ATRNL1: variants seen among roughly 807,000 people sequenced by gnomAD.
ATRNL1 encodes the protein attractin like 1, also known as attractin-like protein 1.
Under a neutral mutation model 182.7 loss-of-function variants are expected in ATRNL1, and 95 were observed. The ratio of observed to expected loss-of-function variants is 0.52; its 90% confidence interval spans 0.44 to 0.62. ATRNL1 has a LOEUF of 0.62. Ranked by LOEUF, ATRNL1 falls within the 20% of genes least tolerant of loss-of-function variation. ATRNL1 has a pLI of 0.00. For synonymous variants in ATRNL1, 576 were observed against 568.3 expected, an observed-to-expected ratio of 1.01 and a Z score of -0.19; for missense variants, 1,471 against 1,679.5, an observed-to-expected ratio of 0.88 and a Z score of 2.17.
At chr10:115,762,744 T>C (rs183811968) in intron 27 of ATRNL1, among the ~76,000 whole-genome samples, 1 of 152,254 alleles carries the variant, frequency 6.6e-6, no homozygotes, top group East Asian at 1.9e-4. Context: ...TGACAGATTC[T>C]AATGACATAA....
intron 26 of ATRNL1, among the ~76,000 whole-genome samples, chr10:115,620,202 GT>G (rs139420686): frequency 2.0e-4 from 31 of 152,276 alleles, no homozygotes; most frequent in Middle Eastern, 3.4e-3. Context: ...AAGCATGCCT[GT>G]CACATAGGTA....
chr10:115,340,569 C>T (rs782704775), intron 19 of ATRNL1, among the ~76,000 whole-genome samples: 2 of 144,730 alleles, frequency 1.4e-5, no homozygotes, highest in Admixed American at 7.1e-5. Context: ...ATTTCCTTCT[C>T]CTCTATTTTT....
At chr10:115,284,544 C>G (rs1852516655) in intron 14 of ATRNL1, among the ~76,000 whole-genome samples, 1 of 152,160 alleles carries the variant, frequency 6.6e-6, no homozygotes, top group African/African-American at 2.4e-5. Context: ...GTTCCAACTG[C>G]TGTGAGATTT....
chr10:115,408,814 T>G (rs2134330618), intron 20 of ATRNL1, among the ~76,000 whole-genome samples: 2 of 152,310 alleles, frequency 1.3e-5, no homozygotes, highest in Middle Eastern at 6.8e-3. Flanking sequence ...CCAGAACCGT[T>G]TATTGAAGAG....
intron 27 of ATRNL1, among the ~76,000 whole-genome samples, chr10:115,805,539 C>T (rs1374262750): frequency 2.6e-5 from 4 of 152,122 alleles, no homozygotes; most frequent in African/African-American, 9.7e-5. Context: ...TCCATGACAG[C>T]ATCACCTACT....
intron 27 of ATRNL1, among the ~76,000 whole-genome samples, chr10:115,827,320 G>A (rs1950458634): frequency 6.6e-6 from 1 of 152,170 alleles, no homozygotes; most frequent in African/African-American, 2.4e-5. Context: ...AACTGTTTCT[G>A]GATAAAACAG....
At chr10:115,366,818 C>A (rs1554946112) in intron 19 of ATRNL1, among the ~76,000 whole-genome samples, 1 of 147,426 alleles carries the variant, frequency 6.8e-6, no homozygotes, top group East Asian at 2.0e-4. Context: ...GTTGAAAATT[C>A]TTTTCTTTAA....
At chr10:115,771,455 C>T (rs1555076370) in intron 27 of ATRNL1, among the ~76,000 whole-genome samples, 1 of 152,154 alleles carries the variant, frequency 6.6e-6, no homozygotes, top group South Asian at 2.1e-4. Context: ...TGGTCTCAAT[C>T]TCCTGACCTC....
At chr10:115,916,895 G>T (rs1952871729) in intron 28 of ATRNL1, among the ~76,000 whole-genome samples, 1 of 152,140 alleles carries the variant, frequency 6.6e-6, no homozygotes, top group Non-Finnish European at 1.5e-5. Context: ...CTTCTGTCTG[G>T]GTATTTATAT....
chr10:115,817,294 C>T (rs1158584813), intron 27 of ATRNL1, among the ~76,000 whole-genome samples: 3 of 151,752 alleles, frequency 2.0e-5, no homozygotes, highest in Non-Finnish European at 4.4e-5. Flanking sequence ...AAAAATTTTT[C>T]GGAAAAAAAT....
At chr10:115,765,907 A>T (rs1189823123) in intron 27 of ATRNL1, among the ~76,000 whole-genome samples, 12 of 152,132 alleles carry the variant, frequency 7.9e-5, no homozygotes, top group Non-Finnish European at 1.3e-4. Flanking sequence ...GACTTTTTCC[A>T]ATCTTTAGCT....
chr10:115,770,360 A>T (rs1948959741), intron 27 of ATRNL1, among the ~76,000 whole-genome samples: 1 of 152,106 alleles, frequency 6.6e-6, no homozygotes, highest in African/African-American at 2.4e-5. Flanking sequence ...CAGCAATAAA[A>T]CTCAAAGGAA....
rs202078892 is a variant in ATRNL1, at chr10:115,612,775, G to A, written c.3795+63239G>A. Among the ~76,000 whole-genome samples the A allele has an allele frequency of 1.5e-4, 23 of 152,268 alleles. No homozygotes were observed. The East Asian group carries it at 3.7e-3, about 24-fold the overall frequency. ...AATAGTTCTTATCATAGGCATGTGC[G>A]CATGAGGGCCCTCCCTTCCTAACCT... On this transcript the variant is annotated intron_variant, in intron 26 of 28. Transcript: ENST00000355044.
At chr10:115,233,750 T>C (rs1850059070) in intron 9 of ATRNL1, among the ~76,000 whole-genome samples, 1 of 152,038 alleles carries the variant, frequency 6.6e-6, no homozygotes. Flanking sequence ...AAGGCTGTTT[T>C]AGGAATGACT....
At chr10:115,841,026 G>T (rs1432189669) in intron 27 of ATRNL1, among the ~76,000 whole-genome samples, 3 of 152,086 alleles carry the variant, frequency 2.0e-5, no homozygotes, top group Non-Finnish European at 4.4e-5. Context: ...AAAAGTACAG[G>T]TTGTTACAAA....
At chr10:115,406,145 A>G (rs56900965) in intron 20 of ATRNL1, among the ~76,000 whole-genome samples, 6 of 152,076 alleles carry the variant, frequency 3.9e-5, no homozygotes, top group Non-Finnish European at 7.4e-5. Flanking sequence ...TAGTGCCGCA[A>G]TAAACATACA....
intron 26 of ATRNL1, among the ~76,000 whole-genome samples, chr10:115,630,988 G>A (rs1858468102): frequency 6.6e-6 from 1 of 151,284 alleles, no homozygotes; most frequent in Admixed American, 6.6e-5. Context: ...AAATATTGCA[G>A]GATCTTACTT....
At chr10:115,672,512 C>G (rs782004860) in intron 26 of ATRNL1, among the ~76,000 whole-genome samples, 2 of 151,992 alleles carry the variant, frequency 1.3e-5, no homozygotes, top group African/African-American at 2.4e-5. Flanking sequence ...AACATTTCGA[C>G]TGGTGCAAAG....
rs552587135 is a variant in ATRNL1, at chr10:115,513,841, T to C, written c.3655-5422T>C. ...ACAAATTGTAGTGCTGACTCTTCTG[T>C]TGAATAGCCAGTATGGAATATATTC... On this transcript the variant is annotated intron_variant, in intron 24 of 28. Coordinates refer to ENST00000355044, the MANE Select transcript of ATRNL1 (RefSeq NM_207303.4). 7.2e-5 allele frequency among the ~76,000 whole-genome samples: 11 copies of C among 152,060 alleles called. No individual in the cohort carries two copies. The South Asian group carries it at 2.1e-3, about 29-fold the overall frequency.
Sources: allele counts gnomAD v4.1 joint callset (sites outside exome capture counted in the v4.1 genomes callset), GRCh38; gene constraint gnomAD v4.1.1; transcripts MANE v1.5; gene names NCBI Gene and HGNC (gene_info 2026-07-23, HGNC 2026-07-21).